Variants in ARL15 observed in about 807,000 individuals in gnomAD.
ARL15 encodes the protein ADP-ribosylation factor-like protein 15.
Under a neutral mutation model 25.2 loss-of-function variants are expected in ARL15, and 19 were observed. The observed-to-expected ratio is 0.75, with a 90% CI of 0.53 to 1.10. The LOEUF (loss-of-function observed/expected upper bound fraction) is 1.10, where lower values mean the gene tolerates loss of function less well. ARL15 is among the 50% of genes least tolerant of loss of function. The probability of loss-of-function intolerance (pLI) is 0.00; values close to 1 mark genes in which losing one functional copy is unlikely to be tolerated. For synonymous variants in ARL15, 94 were observed against 86.8 expected (o/e 1.08, Z -0.46); for missense variants, 220 against 246.0 (o/e 0.89, Z 0.71).
intron 3 of ARL15, among the ~76,000 whole-genome samples, chr5:54,127,985 G>A (rs904274411): frequency 6.6e-6 from 1 of 152,066 alleles, no homozygotes; most frequent in Non-Finnish European, 1.5e-5. Context: ...GCTGAAACTG[G>A]ATCCCTTCCT....
intron 1 of ARL15, among the ~76,000 whole-genome samples, chr5:54,222,728 A>C (rs979924270): frequency 1.3e-5 from 2 of 152,200 alleles, no homozygotes; most frequent in Non-Finnish European, 2.9e-5. Context: ...TCACCCACCC[A>C]GTTACTGTGG....
chr5:54,080,554 G>A (rs1257402562), intron 4 of ARL15, among the ~76,000 whole-genome samples: 5 of 152,070 alleles, frequency 3.3e-5, no homozygotes, highest in Admixed American at 6.5e-5. Flanking sequence ...AAGGCCTAAC[G>A]TTTTGTGTTT....
chr5:53,907,475 TATATA>T, intron 4 of ARL15, among the ~76,000 whole-genome samples: 4 of 29,742 alleles, frequency 1.3e-4, no homozygotes, highest in African/African-American at 6.0e-4. Context: ...TATATATATA[TATATA>T]TATATATATT....
At chr5:54,005,795 G>A (rs1257655695) in intron 4 of ARL15, among the ~76,000 whole-genome samples, 1 of 151,616 alleles carries the variant, frequency 6.6e-6, no homozygotes, top group Non-Finnish European at 1.5e-5. Context: ...CCAGGAGGCG[G>A]AGCGTGCAGT....
chr5:54,080,553 C>T (rs985308519), intron 4 of ARL15, among the ~76,000 whole-genome samples: 3 of 152,078 alleles, frequency 2.0e-5, no homozygotes, highest in Non-Finnish European at 4.4e-5. Flanking sequence ...AAAGGCCTAA[C>T]GTTTTGTGTT....
At chr5:54,040,095 G>C (rs189910893) in intron 4 of ARL15, among the ~76,000 whole-genome samples, 1 of 152,246 alleles carries the variant, frequency 6.6e-6, no homozygotes, top group South Asian at 2.1e-4. Context: ...ATTCACAGAA[G>C]AGCTCTGACC....
intron 1 of ARL15, among the ~76,000 whole-genome samples, chr5:54,256,413 T>TAAAAAAAAAAAAAAAAAAAAAA (rs35505658): frequency 3.0e-5 from 3 of 99,484 alleles, no homozygotes; most frequent in African/African-American, 7.6e-5. Flanking sequence ...CGAATCAGTT[T>TAAAAAAAAAAAAAAAAAAAAAA]AAAAAAAAAA....
chr5:54,304,351 A>G (rs1407356157), intron 1 of ARL15, among the ~76,000 whole-genome samples: 1 of 152,234 alleles, frequency 6.6e-6, no homozygotes, highest in Non-Finnish European at 1.5e-5. Flanking sequence ...ACACTGGCAC[A>G]GAGTAAGTGT....
chr5:54,052,721 G>A (rs933510712), intron 4 of ARL15, among the ~76,000 whole-genome samples: 1 of 152,004 alleles, frequency 6.6e-6, no homozygotes, highest in African/African-American at 2.4e-5. Flanking sequence ...GTTTTTATAT[G>A]TATATACATG....
intron 3 of ARL15, among the ~76,000 whole-genome samples, chr5:54,139,640 C>G (rs1753713931): frequency 6.6e-6 from 1 of 152,086 alleles, no homozygotes; most frequent in African/African-American, 2.4e-5. Flanking sequence ...TAACCAAAAA[C>G]CACTTGTACC....
chr5:53,961,788 G>A (rs1747381619), intron 4 of ARL15, among the ~76,000 whole-genome samples: 1 of 152,112 alleles, frequency 6.6e-6, no homozygotes, highest in South Asian at 2.1e-4. Context: ...TGTTATAGGA[G>A]TCTGTGTTGG....
intron 1 of ARL15, chr5:54,286,459 G>A (rs1231798121): frequency 6.6e-6 from 1 of 152,176 alleles, no homozygotes; most frequent in Non-Finnish European, 1.5e-5. Context: ...ATCATGATTA[G>A]CACATGATCT....
At position 53,886,450 on chromosome 5, in the gene ARL15, A is replaced by AGG; in HGVS notation, c.*109_*110dup. The stretch of plus-strand genomic sequence containing the variant: ...AGAGATGAGAGTCTGAAATGACCAG[A>AGG]GGAAAATAGATACTGAAGCCAATAT... On this transcript the variant is annotated 3_prime_UTR_variant, in exon 5 of 5. Coordinates refer to ENST00000504924, the MANE Select transcript of ARL15 (RefSeq NM_019087.3). 5.9e-6 allele frequency: 7 copies of AGG among 1,185,384 alleles called. No individual in the cohort carries two copies. The highest frequency in any genetic ancestry group is 8.1e-6 in the Non-Finnish European group (7 of 864,818). The allele number at this position is 1,185,384 out of a possible 1,614,324, so 73.4% of individuals were successfully genotyped here.
At chr5:53,989,836 A>G (rs1748424120) in intron 4 of ARL15, among the ~76,000 whole-genome samples, 1 of 152,192 alleles carries the variant, frequency 6.6e-6, no homozygotes, top group Admixed American at 6.5e-5. Context: ...ATGCTTATGC[A>G]AAAGGCACTT....
intron 4 of ARL15, among the ~76,000 whole-genome samples, chr5:54,022,974 T>C (rs1459099481): frequency 6.6e-6 from 1 of 152,060 alleles, no homozygotes; most frequent in East Asian, 1.9e-4. Context: ...GAAGAATAAG[T>C]AGAAATCGTT....
intron 1 of ARL15, among the ~76,000 whole-genome samples, chr5:54,294,461 C>G (rs907046913): frequency 1.3e-5 from 2 of 152,108 alleles, no homozygotes; most frequent in African/African-American, 4.8e-5. Context: ...ATTAAGCTCA[C>G]AATAAGTATT....
chr5:53,939,742 A>G (rs991479535), intron 4 of ARL15, among the ~76,000 whole-genome samples: 3 of 151,410 alleles, frequency 2.0e-5, no homozygotes, highest in African/African-American at 7.2e-5. Context: ...TCAAAAAAAA[A>G]TAAAATAAAA....
At chr5:54,238,527 G>A (rs1271228859) in intron 1 of ARL15, among the ~76,000 whole-genome samples, 1 of 152,098 alleles carries the variant, frequency 6.6e-6, no homozygotes, top group Non-Finnish European at 1.5e-5. Context: ...CACTCCGCCA[G>A]AGAATATTTT....
At chr5:54,074,041 T>TA (rs1267822467) in intron 4 of ARL15, among the ~76,000 whole-genome samples, 8 of 152,348 alleles carry the variant, frequency 5.3e-5, no homozygotes, top group Admixed American at 4.6e-4. Flanking sequence ...CTATTTTATT[T>TA]ACAGAGTGAT....
Sources: allele counts gnomAD v4.1 joint callset (sites outside exome capture counted in the v4.1 genomes callset), GRCh38; gene constraint gnomAD v4.1.1; transcripts MANE v1.5; gene names NCBI Gene and HGNC (gene_info 2026-07-23, HGNC 2026-07-21).